Variants in PRPF31 observed in about 807,000 individuals in gnomAD.
PRPF31 encodes the protein U4/U6 small nuclear ribonucleoprotein Prp31.
In PRPF31, 12 loss-of-function variants were observed where a neutral mutation model predicts 60.4. That is an observed-to-expected ratio of 0.20 (90% CI 0.13 to 0.32). PRPF31 has a LOEUF of 0.32. Among genes scored for constraint, PRPF31 ranks in the 10% least tolerant of loss-of-function variants. The pLI, the probability that PRPF31 is intolerant of heterozygous loss-of-function variation, is 1.00. For synonymous variants in PRPF31, 287 were observed against 287.9 expected (o/e 1.00, Z 0.03); for missense variants, 431 against 687.1 (o/e 0.63, Z 4.17).
chr19:54,116,293 C>G (rs587681626), intron 1 of PRPF31, among the ~76,000 whole-genome samples: 2 of 151,802 alleles, frequency 1.3e-5, no homozygotes, highest in Non-Finnish European at 2.9e-5. Context: ...CAACCTCCGC[C>G]TCCCGGATTC....
Position 54,129,092 on chromosome 19 carries a change from C to G in PRPF31, c.1182C>G (p.Phe394Leu). Residue 394 changes from phenylalanine (F) to leucine (L), a missense_variant, in exon 12 of 14, where the codon TTC becomes TTG. Coordinates refer to ENST00000321030, the MANE Select transcript of PRPF31 (RefSeq NM_015629.4). ...EEDAYQEDLG[F>L]SLGHLGKSGS... is the part of the protein sequence containing the mutation. Reference sequence around the variant, plus strand: ...ACGCCTACCAGGAGGACCTGGGATTCAGCCTGGGCCACCTGGGCAAGTCGG... The same window carrying G: ...ACGCCTACCAGGAGGACCTGGGATTGAGCCTGGGCCACCTGGGCAAGTCGG... 1 of 1,579,578 alleles carries G rather than the reference C, an allele frequency of 6.3e-7. No individual in the cohort carries two copies. Among genetic ancestry groups the G allele is most frequent in the Admixed American group, 1.9e-5 (1 of 53,174 alleles).
intron 13 of PRPF31, 135 bp downstream of exon 13, chr19:54,129,505 A>G: frequency 8.8e-7 from 1 of 1,138,574 alleles, no homozygotes; most frequent in South Asian, 1.4e-5. Flanking sequence ...AGGTATGCAG[A>G]GGACGTAGAC....
In PRPF31 at chr19:54,131,289, T is replaced by A. The variant is rs587602851; in HGVS notation, c.1375-18T>A. The stretch of plus-strand genomic sequence containing the variant: ...TCTCCTCACCTAACCCATCATCCTC[T>A]CTCCCTCACCTGCCCAGGGCCTGGA... On this transcript the variant is annotated intron_variant, in intron 13 of 13. Transcript: ENST00000321030. The A allele has an allele frequency of 1.2e-6, 2 of 1,613,564 alleles. No individual in the cohort carries two copies. The highest frequency in any genetic ancestry group is 4.5e-5 in the East Asian group (2 of 44,884).
chr19:54,129,340 G>A lies in PRPF31; in HGVS notation c.1344G>A (p.Thr448=), dbSNP rs758193402. ...KSTIRDRSSG[T]ASSVAFTPLQ... ...CCATCCGCGACCGCTCCTCGGGCACGGCCTCCAGCGTGGCCTTCACCCCAC... is the reference window on the plus strand; with the variant it reads ...CCATCCGCGACCGCTCCTCGGGCACAGCCTCCAGCGTGGCCTTCACCCCAC... The change falls in exon 13 of 14, where the codon ACG becomes ACA. Residue 448 remains threonine (T), a synonymous_variant. Transcript: ENST00000321030. The A allele has an allele frequency of 1.8e-5, 29 of 1,602,854 alleles. No individual in the cohort carries two copies. Among genetic ancestry groups the A allele is most frequent in the East Asian group, 6.8e-5 (3 of 44,108 alleles).
intron 3 of PRPF31, chr19:54,120,033 G>T (rs1305747552): frequency 6.6e-6 from 1 of 152,224 alleles, no homozygotes; most frequent in Non-Finnish European, 1.5e-5. Flanking sequence ...GGGGACACCG[G>T]AGCCACAGGA....
chr19:54,122,525 G>A lies in PRPF31; in HGVS notation c.351G>A (p.Lys117=), dbSNP rs1291999084. 1.1e-5 allele frequency: 17 copies of A among 1,614,104 alleles called. No homozygotes were observed. The highest frequency in any genetic ancestry group is 1.7e-5 in the Admixed American group (1 of 60,034). ...TCATCCATAAGTTCATCCGGGATAA[G>A]TACTCAAAGAGATTCCCTGAACTGG... ...LNIIHKFIRD[K]YSKRFPELES... The change falls in exon 5 of 14, where the codon AAG becomes AAA. Residue 117 remains lysine, a synonymous_variant. Coordinates refer to ENST00000321030, the MANE Select transcript of PRPF31 (RefSeq NM_015629.4).
At chr19:54,124,414 C>A in intron 7 of PRPF31, 85 bp from the exon 8 acceptor site, 1 of 1,224,830 alleles carries the variant, frequency 8.2e-7, no homozygotes, top group Non-Finnish European at 1.2e-6. Context: ...GCCCAGCACA[C>A]GTCGAGCCCC....
intron 11 of PRPF31, 41 bp from the exon 12 acceptor site, chr19:54,129,016 G>C: frequency 1.3e-6 from 2 of 1,550,398 alleles, no homozygotes; most frequent in Non-Finnish European, 1.7e-6. Flanking sequence ...GGAGGGCAGG[G>C]CCTGGTCGCT....
chr19:54,126,747 GC>G, intron 9 of PRPF31, 130 bp downstream of exon 9: 1 of 949,078 alleles, frequency 1.1e-6, no homozygotes, highest in Non-Finnish European at 1.7e-6. Context: ...CAGTGCTTCT[GC>G]CCACCCTCCC....
At chr19:54,128,009 C>T in intron 9 of PRPF31, 64 bp from the exon 10 acceptor site, 1 of 1,547,534 alleles carries the variant, frequency 6.5e-7, no homozygotes, top group South Asian at 1.2e-5. Context: ...GGGGCCCGCT[C>T]AGAGGAGGCC....
At position 54,118,565 on chromosome 19, in the gene PRPF31, T is replaced by C. The variant is rs587752996; in HGVS notation, c.178-8T>C. The C allele has an allele frequency of 6.2e-6, 10 of 1,614,130 alleles. No homozygotes were observed. In the East Asian group the frequency reaches 1.3e-4, roughly 22 times the overall value. On this transcript the variant is annotated splice_polypyrimidine_tract_variant and splice_region_variant and intron_variant, in intron 2 of 13. Transcript: ENST00000321030. ...GCTGGATTCTGACTGTCTTCTCCTT[T>C]CCTACAGTTTGCTGAGATTATGATG...
intron 1 of PRPF31, among the ~76,000 whole-genome samples, chr19:54,117,151 A>G (rs2073665789): frequency 6.6e-6 from 1 of 152,168 alleles, no homozygotes; most frequent in Non-Finnish European, 1.5e-5. Context: ...TTTAGTTACA[A>G]GGGACTCCTG....
chr19:54,131,242 T>C, intron 13 of PRPF31, 65 bp from the exon 14 acceptor site: 1 of 1,601,104 alleles, frequency 6.2e-7, no homozygotes, highest in Admixed American at 1.7e-5. Flanking sequence ...TGGGGGGCTC[T>C]GATGGGTCAC....
intron 1 of PRPF31, among the ~76,000 whole-genome samples, chr19:54,116,681 A>G (rs1384348512): frequency 6.6e-6 from 1 of 152,248 alleles, no homozygotes; most frequent in Non-Finnish European, 1.5e-5. Context: ...GCCTTACTGT[A>G]GACACGCAGA....
chr19:54,124,946 A>G (rs2073883830), intron 8 of PRPF31: 3 of 563,036 alleles, frequency 5.3e-6, no homozygotes, highest in Non-Finnish European at 9.6e-6. Flanking sequence ...CTCAGTGCAC[A>G]TGAAGCACTT....
intron 5 of PRPF31, 23 bp from the exon 6 acceptor site, chr19:54,123,431 C>T (rs762485166): frequency 1.9e-6 from 3 of 1,595,266 alleles, no homozygotes; most frequent in African/African-American, 2.7e-5. Context: ...CGAGCCTCCC[C>T]TATCTTCTCT....
chr19:54,117,449 G>T (rs587690943), intron 1 of PRPF31, among the ~76,000 whole-genome samples: 1 of 152,318 alleles, frequency 6.6e-6, no homozygotes, highest in African/African-American at 2.4e-5. Flanking sequence ...GCCACCTGGA[G>T]CATGGGCTGG....
At position 54,131,157 on chromosome 19, in the gene PRPF31, C is replaced by G; in HGVS notation, c.1375-150C>G. On this transcript the variant is annotated intron_variant, in intron 13 of 13. Transcript: ENST00000321030. ...CTCTAGACCCACTGAGTCAGAATCTCCCAAGACAGGGCAACTCCAGGGACA... is the reference window on the plus strand; with the variant it reads ...CTCTAGACCCACTGAGTCAGAATCTGCCAAGACAGGGCAACTCCAGGGACA... 2.6e-6 allele frequency: 3 copies of G among 1,157,550 alleles called. No individual in the cohort carries two copies. The South Asian group carries it at 3.8e-5, about 15-fold the overall frequency. 71.7% of individuals were successfully genotyped at this position (1,157,550 alleles called of 1,614,324 possible).
intron 9 of PRPF31, among the ~76,000 whole-genome samples, chr19:54,127,280 G>A (rs1424120909): frequency 2.0e-5 from 3 of 152,108 alleles, no homozygotes; most frequent in Non-Finnish European, 4.4e-5. Context: ...AGCTTCTAGG[G>A]GTCACTGGCA....
Sources: gnomAD v4.1 joint callset for allele counts (sites outside exome capture counted in the v4.1 genomes callset) on GRCh38, gnomAD v4.1.1 for gene constraint, MANE v1.5 for transcripts, NCBI Gene and HGNC (gene_info 2026-07-23, HGNC 2026-07-21) for gene names.